ULK4: variants seen among roughly 807,000 people sequenced by gnomAD.
ULK4 encodes inactive serine/threonine-protein kinase ULK4.
ULK4 carries 133 observed loss-of-function variants against 160.6 expected under a neutral mutation model. That is an observed-to-expected ratio of 0.83 (90% CI 0.72 to 0.96). ULK4 has a LOEUF of 0.96. ULK4 is among the 40% of genes least tolerant of loss of function. ULK4 has a pLI of 0.00. For synonymous variants in ULK4, 534 were observed against 539.8 expected, an observed-to-expected ratio of 0.99 and a Z score of 0.15; for missense variants, 1,580 against 1,499.5, an observed-to-expected ratio of 1.05 and a Z score of -0.89.
chr3:41,444,472 T>A (rs1438577701), intron 34 of ULK4, among the ~76,000 whole-genome samples: 3 of 152,098 alleles, frequency 2.0e-5, no homozygotes, highest in African/African-American at 7.2e-5. Context: ...GACCATCAGT[T>A]ATTACCATTC....
intron 35 of ULK4, 82 bp downstream of exon 35, chr3:41,397,996 TA>T (rs2082098824): frequency 1.4e-6 from 2 of 1,455,098 alleles, no homozygotes; most frequent in Admixed American, 2.3e-5. Context: ...AATTTGAAAT[TA>T]GGTCCAAGAA....
intron 32 of ULK4, among the ~76,000 whole-genome samples, chr3:41,493,903 C>T (rs2084889963): frequency 6.7e-6 from 1 of 148,670 alleles, no homozygotes; most frequent in Admixed American, 6.7e-5. Flanking sequence ...TCTGAATAGA[C>T]CAATAACAGG....
intron 35 of ULK4, among the ~76,000 whole-genome samples, chr3:41,390,015 G>A (rs769524918): frequency 2.0e-5 from 3 of 152,144 alleles, no homozygotes; most frequent in Non-Finnish European, 4.4e-5. Context: ...ACTCTTTTTG[G>A]TTGGTAAGCT....
At chr3:41,739,299 C>A (rs1398627178) in intron 22 of ULK4, among the ~76,000 whole-genome samples, 1 of 151,822 alleles carries the variant, frequency 6.6e-6, no homozygotes, top group Non-Finnish European at 1.5e-5. Flanking sequence ...CTCACTTAAT[C>A]CTGATTAAGA....
chr3:41,489,103 T>C (rs2084653195), intron 32 of ULK4, among the ~76,000 whole-genome samples: 1 of 152,158 alleles, frequency 6.6e-6, no homozygotes, highest in Non-Finnish European at 1.5e-5. Context: ...CCCTTTCATC[T>C]GTCTTTTCTC....
intron 17 of ULK4, among the ~76,000 whole-genome samples, chr3:41,880,575 C>T (rs1339719389): frequency 6.6e-6 from 1 of 152,148 alleles, no homozygotes; most frequent in Non-Finnish European, 1.5e-5. Flanking sequence ...ACTTTGCTGG[C>T]TCGGCACTGT....
Position 41,954,640 on chromosome 3 carries a change from C to T in ULK4, c.120G>A (p.Arg40=). Residue 40 remains arginine (R), a synonymous_variant, in exon 2 of 37, where the codon AGG becomes AGA. Transcript: ENST00000301831. ...VAILCTDKCK[R]PEITNWVRLT... ...GACTTACCCAGTTGGTTATTTCAGG[C>T]CTTTTGCACTTATCAGTACAAAGAA... is the stretch of plus-strand genomic sequence containing the variant. The T allele has an allele frequency of 6.2e-7, 1 of 1,612,592 alleles. No individual in the cohort carries two copies. The highest frequency in any genetic ancestry group is 8.5e-7 in the Non-Finnish European group (1 of 1,179,468).
At chr3:41,885,344 T>C (rs1575884432) in intron 16 of ULK4, among the ~76,000 whole-genome samples, 1 of 152,200 alleles carries the variant, frequency 6.6e-6, no homozygotes, top group Non-Finnish European at 1.5e-5. Flanking sequence ...CCTTATACTT[T>C]TAAAATAGAA....
chr3:41,558,696 T>C lies in ULK4; in HGVS notation c.3226+7329A>G, dbSNP rs563158492. ...TTCAGCCTGAGCAATAGAGCAAGAC[T>C]CCATCTCAAAAAAAAAAGAAAAGAA... On this transcript the variant is annotated intron_variant, in intron 32 of 36. Coordinates refer to ENST00000301831, the MANE Select transcript of ULK4 (RefSeq NM_017886.4). Among the ~76,000 whole-genome samples the C allele has an allele frequency of 3.0e-5, 4 of 131,902 alleles. No homozygotes were observed. In the South Asian group the frequency reaches 7.6e-4, roughly 25 times the overall value. The allele number at this position is 131,902 out of a possible 152,430, so 86.5% of individuals were successfully genotyped here. A position where few individuals can be genotyped will look rare whatever the true frequency, so the allele number is the denominator to read the frequency against.
chr3:41,329,706 T>G (rs2080405974), intron 35 of ULK4, among the ~76,000 whole-genome samples: 1 of 152,168 alleles, frequency 6.6e-6, no homozygotes, highest in Admixed American at 6.5e-5. Context: ...GGACCAAAAT[T>G]TACATAATAG....
chr3:41,504,357 C>A (rs1202318100), intron 32 of ULK4, among the ~76,000 whole-genome samples: 1 of 151,948 alleles, frequency 6.6e-6, no homozygotes, highest in Non-Finnish European at 1.5e-5. Flanking sequence ...GTGACCAGAC[C>A]CTAGAATAGC....
intron 36 of ULK4, among the ~76,000 whole-genome samples, chr3:41,247,703 G>A (rs1220593067): frequency 1.3e-5 from 2 of 152,182 alleles, no homozygotes; most frequent in Non-Finnish European, 2.9e-5. Flanking sequence ...GCGCATCAAA[G>A]CCCCTGTGTG....
chr3:41,502,872 C>A (rs931032182), intron 32 of ULK4, among the ~76,000 whole-genome samples: 1 of 152,068 alleles, frequency 6.6e-6, no homozygotes, highest in Non-Finnish European at 1.5e-5. Flanking sequence ...GATGGCTTCA[C>A]AAGTATATAC....
At chr3:41,404,639 T>A (rs1313501489) in intron 34 of ULK4, among the ~76,000 whole-genome samples, 2 of 152,168 alleles carry the variant, frequency 1.3e-5, no homozygotes, top group Non-Finnish European at 2.9e-5. Flanking sequence ...GGTTCTACCC[T>A]CATAAATGGA....
chr3:41,616,886 T>C (rs1019571547), intron 30 of ULK4, among the ~76,000 whole-genome samples: 1 of 152,162 alleles, frequency 6.6e-6, no homozygotes, highest in Admixed American at 6.5e-5. Flanking sequence ...AACCATTGGC[T>C]TGAAATTCTC....
chr3:41,432,890 T>TAA (rs77447291), intron 34 of ULK4, among the ~76,000 whole-genome samples: 2 of 146,600 alleles, frequency 1.4e-5, no homozygotes, highest in African/African-American at 5.1e-5. Flanking sequence ...AATAAACGTT[T>TAA]AAAAAAAAAA....
At chr3:41,478,857 T>C (rs76360808) in intron 32 of ULK4, among the ~76,000 whole-genome samples, 1 of 152,252 alleles carries the variant, frequency 6.6e-6, no homozygotes, top group South Asian at 2.1e-4. Flanking sequence ...ATGTTACTTA[T>C]GACTAATTCA....
At chr3:41,892,489 C>G (rs555669069) in intron 16 of ULK4, among the ~76,000 whole-genome samples, 1 of 152,298 alleles carries the variant, frequency 6.6e-6, no homozygotes, top group South Asian at 2.1e-4. Flanking sequence ...GTAGTATATG[C>G]ATACAACGGA....
intron 35 of ULK4, among the ~76,000 whole-genome samples, chr3:41,310,575 T>A (rs2080030082): frequency 6.6e-6 from 1 of 151,936 alleles, no homozygotes; most frequent in Non-Finnish European, 1.5e-5. Flanking sequence ...AACTGACCAA[T>A]TAAAAAACAG....
Sources: gnomAD v4.1 joint callset for allele counts (sites outside exome capture counted in the v4.1 genomes callset) on GRCh38, gnomAD v4.1.1 for gene constraint, MANE v1.5 for transcripts, NCBI Gene and HGNC (gene_info 2026-07-23, HGNC 2026-07-21) for gene names.